AUTS2: variants seen among roughly 807,000 people sequenced by gnomAD.
AUTS2 encodes the protein activator of transcription and developmental regulator AUTS2, also known as autism susceptibility gene 2 protein.
Under a neutral mutation model 112.4 loss-of-function variants are expected in AUTS2, and 17 were observed. That is an observed-to-expected ratio of 0.15 (90% CI 0.10 to 0.23). The LOEUF (loss-of-function observed/expected upper bound fraction) is 0.23, where lower values mean the gene tolerates loss of function less well. AUTS2 is among the 10% of genes least tolerant of loss of function. The pLI, the probability that AUTS2 is intolerant of heterozygous loss-of-function variation, is 1.00. For missense variants in AUTS2, 1,510 were observed against 1,701.6 expected (o/e 0.89, Z 1.98); for synonymous variants, 751 against 702.7 (o/e 1.07, Z -1.09).
intron 2 of AUTS2, among the ~76,000 whole-genome samples, chr7:69,908,250 A>G (rs576524761): frequency 6.6e-6 from 1 of 152,180 alleles, no homozygotes; most frequent in Non-Finnish European, 1.5e-5. Context: ...CCTCAGTCCC[A>G]TTAGACCTGC....
intron 1 of AUTS2, among the ~76,000 whole-genome samples, chr7:69,699,254 A>G (rs1040864724): frequency 2.6e-5 from 4 of 152,162 alleles, no homozygotes; most frequent in Admixed American, 1.3e-4. Flanking sequence ...TTGTATTAAG[A>G]AGTATATAGA....
intron 5 of AUTS2, among the ~76,000 whole-genome samples, chr7:70,544,207 T>C (rs1800675177): frequency 6.6e-6 from 1 of 152,238 alleles, no homozygotes; most frequent in South Asian, 2.1e-4. Flanking sequence ...AGTGCCTTTC[T>C]TCCGGGTGCC....
chr7:70,266,887 T>G (rs1787453184), intron 4 of AUTS2, among the ~76,000 whole-genome samples: 1 of 152,260 alleles, frequency 6.6e-6, no homozygotes, highest in Non-Finnish European at 1.5e-5. Flanking sequence ...GAAACAAATC[T>G]GCACTTCCAT....
chr7:70,311,706 G>A (rs1789760010), intron 4 of AUTS2, among the ~76,000 whole-genome samples: 3 of 151,962 alleles, frequency 2.0e-5, no homozygotes, highest in East Asian at 1.9e-4. Flanking sequence ...ACAGGTGCCC[G>A]CCACCACACT....
intron 1 of AUTS2, among the ~76,000 whole-genome samples, chr7:69,634,330 C>T (rs553345026): frequency 3.9e-5 from 6 of 152,066 alleles, no homozygotes; most frequent in Non-Finnish European, 8.8e-5. Context: ...CCGTGTTAGC[C>T]AGGATGGTCT....
chr7:70,470,599 A>C (rs896234712), intron 5 of AUTS2, among the ~76,000 whole-genome samples: 1 of 152,182 alleles, frequency 6.6e-6, no homozygotes. Flanking sequence ...GTGTATGTAA[A>C]CTGAGGCTGG....
intron 2 of AUTS2, among the ~76,000 whole-genome samples, chr7:69,923,149 G>A (rs755835391): frequency 1.4e-4 from 21 of 152,134 alleles, no homozygotes; most frequent in Non-Finnish European, 2.8e-4. Flanking sequence ...TTGATTTTAA[G>A]TTTTGAATAT....
chr7:69,817,104 A>T (rs1368743037), intron 1 of AUTS2, among the ~76,000 whole-genome samples: 1 of 152,242 alleles, frequency 6.6e-6, no homozygotes, highest in Non-Finnish European at 1.5e-5. Flanking sequence ...ATTCTTCTTC[A>T]TCATGGGCTC....
chr7:69,971,772 AG>A (rs1323320413), intron 2 of AUTS2, among the ~76,000 whole-genome samples: 2 of 152,144 alleles, frequency 1.3e-5, no homozygotes, highest in Non-Finnish European at 2.9e-5. Flanking sequence ...GATTCGTTCA[AG>A]TTGTATGCTA....
chr7:70,102,162 A>G (rs1462365515), intron 2 of AUTS2, among the ~76,000 whole-genome samples: 1 of 131,242 alleles, frequency 7.6e-6, no homozygotes, highest in Non-Finnish European at 1.5e-5. Flanking sequence ...ACTTTCGCCC[A>G]GGCTGGAGTG....
intron 1 of AUTS2, among the ~76,000 whole-genome samples, chr7:69,696,209 C>T (rs1313094323): frequency 6.6e-6 from 1 of 152,184 alleles, no homozygotes; most frequent in Non-Finnish European, 1.5e-5. Flanking sequence ...CTAGCAGCTG[C>T]ATAGGCTCAA....
intron 6 of AUTS2, among the ~76,000 whole-genome samples, chr7:70,722,163 T>G (rs916725284): frequency 1.2e-4 from 19 of 152,126 alleles, no homozygotes; most frequent in Non-Finnish European, 2.9e-5. Context: ...TTTAAAATCT[T>G]TAAATGACAT....
intron 5 of AUTS2, among the ~76,000 whole-genome samples, chr7:70,613,520 G>A (rs1334300701): frequency 6.6e-6 from 1 of 152,086 alleles, no homozygotes; most frequent in Non-Finnish European, 1.5e-5. Context: ...CCCAGGCTGG[G>A]GACTTCAGAG....
At chr7:70,014,005 C>T (rs904248600) in intron 2 of AUTS2, among the ~76,000 whole-genome samples, 3 of 152,202 alleles carry the variant, frequency 2.0e-5, no homozygotes, top group Non-Finnish European at 4.4e-5. Context: ...CGTGAGCCAC[C>T]GCGCCCGGCC....
At chr7:70,295,645 C>A (rs1335839504) in intron 4 of AUTS2, among the ~76,000 whole-genome samples, 1 of 152,166 alleles carries the variant, frequency 6.6e-6, no homozygotes, top group Admixed American at 6.5e-5. Context: ...TCCAACTCAA[C>A]TGCTCCCACC....
At chr7:70,155,676 C>A (rs775682791) in intron 4 of AUTS2, among the ~76,000 whole-genome samples, 13 of 151,974 alleles carry the variant, frequency 8.6e-5, no homozygotes, top group Non-Finnish European at 1.8e-4. Flanking sequence ...AAAGCCTGAG[C>A]CCCAAATACT....
At chr7:69,621,404 T>C (rs1793656824) in intron 1 of AUTS2, among the ~76,000 whole-genome samples, 1 of 146,004 alleles carries the variant, frequency 6.8e-6, no homozygotes, top group Non-Finnish European at 1.5e-5. Flanking sequence ...CGCCTCCACT[T>C]TATCTTTGGA....
At chr7:70,742,161 T>A (rs550701164) in intron 6 of AUTS2, among the ~76,000 whole-genome samples, 36 of 152,332 alleles carry the variant, frequency 2.4e-4, no homozygotes, top group Admixed American at 7.8e-4. Flanking sequence ...TATATAAGGA[T>A]ACATAAATTA....
At chr7:70,302,642 T>C (rs969718038) in intron 4 of AUTS2, among the ~76,000 whole-genome samples, 1 of 151,994 alleles carries the variant, frequency 6.6e-6, no homozygotes, top group Non-Finnish European at 1.5e-5. Context: ...TAGTATAATT[T>C]CCATAATAAA....
Sources: allele counts gnomAD v4.1 joint callset (sites outside exome capture counted in the v4.1 genomes callset), GRCh38; gene constraint gnomAD v4.1.1; transcripts MANE v1.5; gene names NCBI Gene and HGNC (gene_info 2026-07-23, HGNC 2026-07-21).